Variants in ANO3 observed in about 807,000 individuals in gnomAD.
ANO3 encodes the protein anoctamin 3.
In ANO3, 99 loss-of-function variants were observed where a neutral mutation model predicts 144.8. The observed-to-expected ratio is 0.68, with a 90% confidence interval of 0.58 to 0.81. ANO3 has a LOEUF of 0.81. Ranked by LOEUF, ANO3 falls within the 30% of genes least tolerant of loss-of-function variation. ANO3 has a pLI of 0.00. For synonymous variants in ANO3, 414 were observed against 392.6 expected (o/e 1.05, Z -0.64); for missense variants, 905 against 1,202.2 (o/e 0.75, Z 3.66).
At chr11:26,380,230 T>C (rs1041705353) in intron 1 of ANO3, among the ~76,000 whole-genome samples, 4 of 152,240 alleles carry the variant, frequency 2.6e-5, no homozygotes, top group Non-Finnish European at 2.9e-5. Flanking sequence ...AAGTATGTGC[T>C]ACATAAGTGC....
At chr11:26,542,380 T>C (rs1316580480) in intron 11 of ANO3, among the ~76,000 whole-genome samples, 1 of 151,960 alleles carries the variant, frequency 6.6e-6, no homozygotes, top group African/African-American at 2.4e-5. Flanking sequence ...GTACCATTGC[T>C]AGGGCTTCCA....
intron 1 of ANO3, among the ~76,000 whole-genome samples, chr11:26,425,583 T>C (rs897054962): frequency 3.3e-5 from 5 of 152,122 alleles, no homozygotes; most frequent in African/African-American, 4.8e-5. Context: ...CTCACACTTA[T>C]TATGACCCTG....
At chr11:26,288,374 A>G (rs1265444035) in intron 1 of ANO3, among the ~76,000 whole-genome samples, 2 of 152,226 alleles carry the variant, frequency 1.3e-5, no homozygotes, top group Non-Finnish European at 2.9e-5. Context: ...GTCAGCTGGC[A>G]GTAACAGTGG....
At chr11:26,562,755 A>G (rs1291517090) in intron 14 of ANO3, among the ~76,000 whole-genome samples, 2 of 151,904 alleles carry the variant, frequency 1.3e-5, no homozygotes, top group African/African-American at 4.8e-5. Flanking sequence ...CTACTTAATG[A>G]TCTAACAATG....
intron 4 of ANO3, among the ~76,000 whole-genome samples, chr11:26,467,034 C>G (rs1859624984): frequency 6.6e-6 from 1 of 151,704 alleles, no homozygotes; most frequent in Non-Finnish European, 1.5e-5. Context: ...TTTTTAAAAA[C>G]TCTATTTACA....
At chr11:26,610,410 T>TG (rs1458472539) in intron 17 of ANO3, among the ~76,000 whole-genome samples, 3 of 151,514 alleles carry the variant, frequency 2.0e-5, no homozygotes, top group South Asian at 2.1e-4. Context: ...TATTTGTTTT[T>TG]TTGTTGTTAT....
At chr11:26,306,747 C>T (rs1854393118), upstream of ANO3, among the ~76,000 whole-genome samples, 1 of 152,228 alleles carries the variant, frequency 6.6e-6, no homozygotes, top group African/African-American at 2.4e-5. Flanking sequence ...CATCTCATAC[C>T]AGCATGACCT....
At chr11:26,603,878 A>G (rs7942671) in intron 17 of ANO3, among the ~76,000 whole-genome samples, 43,900 of 151,968 alleles carry the variant, frequency 0.29, 6,691 homozygotes, top group South Asian at 0.46. Context: ...TTTTAAACAT[A>G]TGTATGTTGT....
chr11:26,554,730 T>C (rs1016985645), intron 13 of ANO3, among the ~76,000 whole-genome samples: 1 of 152,096 alleles, frequency 6.6e-6, no homozygotes, highest in African/African-American at 2.4e-5. Context: ...GACAGATGGT[T>C]TCCTTGCATA....
At chr11:26,431,927 G>A (rs1430375258) in intron 1 of ANO3, among the ~76,000 whole-genome samples, 2 of 152,172 alleles carry the variant, frequency 1.3e-5, no homozygotes, top group African/African-American at 2.4e-5. Context: ...ACCCAATAAT[G>A]AGATCGCTGG....
At chr11:26,355,584 AG>A (rs1423242181) in intron 1 of ANO3, among the ~76,000 whole-genome samples, 1 of 147,988 alleles carries the variant, frequency 6.8e-6, no homozygotes, top group African/African-American at 2.5e-5. Flanking sequence ...TTTGAGATGA[AG>A]TTTCACTCTC....
chr11:26,353,121 T>A (rs1158081169), intron 1 of ANO3, among the ~76,000 whole-genome samples: 1 of 152,206 alleles, frequency 6.6e-6, no homozygotes, highest in Non-Finnish European at 1.5e-5. Context: ...GTTTCTTTAA[T>A]CACGAGGTGG....
chr11:26,440,352 G>A (rs1858468171), intron 1 of ANO3, among the ~76,000 whole-genome samples: 1 of 152,058 alleles, frequency 6.6e-6, no homozygotes, highest in South Asian at 2.1e-4. Context: ...GCATTCTAGG[G>A]AGGTATACAG....
chr11:26,329,912 A>T (rs1029365990), upstream of ANO3, among the ~76,000 whole-genome samples: 2 of 151,608 alleles, frequency 1.3e-5, no homozygotes, highest in African/African-American at 4.9e-5. Context: ...TCCCGGGTTC[A>T]AGCCATTCTC....
chr11:26,233,930 A>G (rs188619075), intron 1 of ANO3, among the ~76,000 whole-genome samples: 1 of 152,216 alleles, frequency 6.6e-6, no homozygotes, highest in East Asian at 1.9e-4. Context: ...CATTACACGC[A>G]AGGGCCTGTC....
chr11:26,197,275 G>A (rs955912993), intron 1 of ANO3, among the ~76,000 whole-genome samples: 4 of 152,112 alleles, frequency 2.6e-5, no homozygotes, highest in African/African-American at 9.7e-5. Flanking sequence ...CCTACATGAG[G>A]AAGGTTCGCA....
At chr11:26,559,986 C>A in intron 14 of ANO3, 1 of 425,622 alleles carries the variant, frequency 2.3e-6, no homozygotes, top group South Asian at 7.3e-5. Context: ...CCTCTAATCT[C>A]TAAAACCTAG....
intron 10 of ANO3, among the ~76,000 whole-genome samples, chr11:26,537,684 G>A (rs554277405): frequency 9.2e-5 from 14 of 152,258 alleles, no homozygotes; most frequent in African/African-American, 3.1e-4. Flanking sequence ...CAGCCTTAGC[G>A]AGAACACTCC....
intron 1 of ANO3, among the ~76,000 whole-genome samples, chr11:26,381,105 G>A (rs1283029745): frequency 6.6e-6 from 1 of 152,068 alleles, no homozygotes; most frequent in Non-Finnish European, 1.5e-5. Flanking sequence ...TTCTCTAAAG[G>A]TAACCTGAGA....
Sources: allele counts gnomAD v4.1 joint callset (sites outside exome capture counted in the v4.1 genomes callset), GRCh38; gene constraint gnomAD v4.1.1; transcripts MANE v1.5; gene names NCBI Gene and HGNC (gene_info 2026-07-23, HGNC 2026-07-21).